The following GLIPR1L2 variants were observed in gnomAD, a reference collection of about 807,000 sequenced individuals.
GLIPR1L2 encodes the protein GLIPR1-like protein 2.
A neutral mutation model predicts 28.4 loss-of-function variants in GLIPR1L2; 21 were observed. The ratio of observed to expected loss-of-function variants is 0.74; its 90% CI spans 0.52 to 1.06. The LOEUF (loss-of-function observed/expected upper bound fraction) is 1.06, where lower values mean the gene tolerates loss of function less well. Ranked by LOEUF, GLIPR1L2 falls within the 50% of genes least tolerant of loss-of-function variation. The probability of loss-of-function intolerance (pLI) is 0.00; values close to 1 mark genes in which losing one functional copy is unlikely to be tolerated. For missense variants in GLIPR1L2, 476 were observed against 416.9 expected, an observed-to-expected ratio of 1.14 and a Z score of -1.23; for synonymous variants, 145 against 139.3, an observed-to-expected ratio of 1.04 and a Z score of -0.29.
intron 3 of GLIPR1L2, among the ~76,000 whole-genome samples, chr12:75,415,144 G>T (rs1302313344): frequency 2.0e-5 from 3 of 152,034 alleles, no homozygotes; most frequent in Admixed American, 6.6e-5. Flanking sequence ...AATAACTGTG[G>T]TTAGATGTAG....
At chr12:75,409,023 G>C (rs546672238) in intron 1 of GLIPR1L2, among the ~76,000 whole-genome samples, 1 of 151,998 alleles carries the variant, frequency 6.6e-6, no homozygotes, top group Non-Finnish European at 1.5e-5. Context: ...TCTAAGGCAA[G>C]CTTGTTCAAT....
At chr12:75,407,758 C>T (rs1201916598) in intron 1 of GLIPR1L2, among the ~76,000 whole-genome samples, 2 of 151,882 alleles carry the variant, frequency 1.3e-5, no homozygotes, top group East Asian at 3.9e-4. Context: ...GTGGATAAGA[C>T]CTAGTTTTTG....
At chr12:75,404,163 C>T (rs2045772042) in intron 1 of GLIPR1L2, among the ~76,000 whole-genome samples, 1 of 152,024 alleles carries the variant, frequency 6.6e-6, no homozygotes, top group Non-Finnish European at 1.5e-5. Context: ...TGACTTGTGG[C>T]TAAAATTTTA....
intron 3 of GLIPR1L2, among the ~76,000 whole-genome samples, chr12:75,416,041 A>C (rs1230694650): frequency 6.6e-6 from 1 of 152,054 alleles, no homozygotes; most frequent in Non-Finnish European, 1.5e-5. Context: ...AATTCTGCCT[A>C]CCATAGAATG....
chr12:75,422,994 G>A lies in GLIPR1L2; in HGVS notation c.670+5G>A, dbSNP rs1262972544. The A allele has an allele frequency of 3.1e-6, 5 of 1,610,354 alleles. No homozygotes were observed. Among genetic ancestry groups the A allele is most frequent in the Non-Finnish European group, 4.2e-6 (5 of 1,177,778 alleles). On this transcript the variant is annotated splice_donor_5th_base_variant and intron_variant, in intron 4 of 5. Transcript: ENST00000550916. ...AATGCACAGATTTTCTATGCAGTAA[G>A]ATAAAGAAAATAAACATGAAAAAAA...
In GLIPR1L2 at chr12:75,431,436, G is replaced by A. The variant is rs2046092301; in HGVS notation, c.*275G>A. ...AAAAACACTGAAAAACATTTGACCA[G>A]TCTAATTAATCTTAAGATTTCACCA... On this transcript the variant is annotated 3_prime_UTR_variant, in exon 6 of 6. Transcript: ENST00000550916. The A allele has an allele frequency of 3.3e-6, 1 of 301,784 alleles. No homozygotes were observed. Among genetic ancestry groups the A allele is most frequent in the Admixed American group, 4.6e-5 (1 of 21,506 alleles). 18.7% of individuals were successfully genotyped at this position (301,784 alleles called of 1,614,324 possible). A position where few individuals can be genotyped will look rare whatever the true frequency, so the allele number is the denominator to read the frequency against.
At chr12:75,428,337 AG>A (rs1399531983) in intron 4 of GLIPR1L2, among the ~76,000 whole-genome samples, 1 of 152,178 alleles carries the variant, frequency 6.6e-6, no homozygotes, top group Non-Finnish European at 1.5e-5. Flanking sequence ...CAGATGATTT[AG>A]GGTATCTGGC....
intron 4 of GLIPR1L2, among the ~76,000 whole-genome samples, chr12:75,429,074 T>C (rs2139969579): frequency 6.6e-6 from 1 of 152,180 alleles, no homozygotes; most frequent in African/African-American, 2.4e-5. Flanking sequence ...GGGCACTGCA[T>C]AATAGAGCTG....
intron 1 of GLIPR1L2, among the ~76,000 whole-genome samples, chr12:75,402,492 A>G (rs1446723600): frequency 6.6e-6 from 1 of 152,238 alleles, no homozygotes; most frequent in South Asian, 2.1e-4. Flanking sequence ...ATCAATATAC[A>G]TTGGACAGTA....
At chr12:75,411,535 T>A (rs968679435) in intron 2 of GLIPR1L2, among the ~76,000 whole-genome samples, 41 of 151,804 alleles carry the variant, frequency 2.7e-4, no homozygotes, top group African/African-American at 9.7e-4. Context: ...TTACAGTGAT[T>A]CTCCATTGAC....
Position 75,432,045 on chromosome 12 carries a change from T to A in GLIPR1L2, c.*884T>A, listed in dbSNP as rs987972789. ...GCACTAGATGACCACTAAGACCTCT[T>A]CCATCAATGAATATTCATGGATCAA... On this transcript the variant is annotated 3_prime_UTR_variant, in exon 6 of 6. Coordinates refer to ENST00000550916, the MANE Select transcript of GLIPR1L2 (RefSeq NM_001270396.2). 4 of 152,088 alleles carry A rather than the reference T, an allele frequency of 2.6e-5. No homozygotes were observed. Among genetic ancestry groups the A allele is most frequent in the African/African-American group, 9.7e-5 (4 of 41,442 alleles). The allele number at this position is 152,088 out of a possible 1,614,324, so 9.4% of individuals were successfully genotyped here. A position where few individuals can be genotyped will look rare whatever the true frequency, so the allele number is the denominator to read the frequency against.
In GLIPR1L2 at chr12:75,410,686, A is replaced by G; in HGVS notation, c.480+7A>G. On this transcript the variant is annotated splice_region_variant and intron_variant, in intron 2 of 5. Transcript: ENST00000550916. Reference sequence around the variant, plus strand: ...CTGTTCTAATTATATTCAGGTATGTAATTTTTATTTTGTTATTAATTCAAA... The same window carrying G: ...CTGTTCTAATTATATTCAGGTATGTGATTTTTATTTTGTTATTAATTCAAA... The G allele has an allele frequency of 6.4e-7, 1 of 1,570,264 alleles. No individual in the cohort carries two copies. The highest frequency in any genetic ancestry group is 8.6e-7 in the Non-Finnish European group (1 of 1,156,342).
intron 2 of GLIPR1L2, 109 bp from the exon 3 acceptor site, chr12:75,413,489 T>G (rs2045892127): frequency 1.5e-6 from 1 of 646,550 alleles, no homozygotes; most frequent in Non-Finnish European, 2.7e-6. Context: ...TTATATTTCT[T>G]GAATTGCTTG....
At chr12:75,400,666 CA>C (rs1489768808) in intron 1 of GLIPR1L2, among the ~76,000 whole-genome samples, 1 of 151,792 alleles carries the variant, frequency 6.6e-6, no homozygotes, top group Non-Finnish European at 1.5e-5. Flanking sequence ...GATATCTGTT[CA>C]AAAAAATTAT....
At chr12:75,424,380 G>A (rs1260468858) in intron 4 of GLIPR1L2, among the ~76,000 whole-genome samples, 2 of 152,162 alleles carry the variant, frequency 1.3e-5, no homozygotes, top group Non-Finnish European at 2.9e-5. Context: ...AGAAGTGTCT[G>A]TTCATGTCCT....
intron 4 of GLIPR1L2, among the ~76,000 whole-genome samples, chr12:75,429,542 G>T (rs2046069168): frequency 6.6e-6 from 1 of 152,124 alleles, no homozygotes. Flanking sequence ...TTTAGACTTT[G>T]GGGACCCTTG....
chr12:75,412,752 G>A (rs1223495437), intron 2 of GLIPR1L2, among the ~76,000 whole-genome samples: 3 of 152,016 alleles, frequency 2.0e-5, no homozygotes, highest in South Asian at 2.1e-4. Flanking sequence ...TGGTGGGACT[G>A]TAAACTAGTT....
chr12:75,410,255 T>C (rs575418725), intron 1 of GLIPR1L2, among the ~76,000 whole-genome samples, 179 bp from the exon 2 acceptor site: 53 of 151,880 alleles, frequency 3.5e-4, no homozygotes, highest in African/African-American at 1.2e-3. Context: ...TCTCAGGAAA[T>C]GGTCATTTCA....
At position 75,431,306 on chromosome 12, in the gene GLIPR1L2, C is replaced by A; in HGVS notation, c.*145C>A. 1 of 578,760 alleles carries A rather than the reference C, an allele frequency of 1.7e-6. No homozygotes were observed. Among genetic ancestry groups the A allele is most frequent in the South Asian group, 2.3e-5 (1 of 43,232 alleles). The allele number at this position is 578,760 out of a possible 1,614,324, so 35.9% of individuals were successfully genotyped here. On this transcript the variant is annotated 3_prime_UTR_variant, in exon 6 of 6. Coordinates refer to ENST00000550916, the MANE Select transcript of GLIPR1L2 (RefSeq NM_001270396.2). The stretch of plus-strand genomic sequence containing the variant: ...CCACCATTGGAATGTTTTTTATTCC[C>A]TTCTCTCCTATACTTATTCAATCAA...
Sources: allele counts gnomAD v4.1 joint callset (sites outside exome capture counted in the v4.1 genomes callset), GRCh38; gene constraint gnomAD v4.1.1; transcripts MANE v1.5; gene names NCBI Gene and HGNC (gene_info 2026-07-23, HGNC 2026-07-21).